The following RAB19 variants were observed in gnomAD, a reference collection of about 807,000 sequenced individuals.
RAB19 encodes ras-related protein Rab-19.
A neutral mutation model predicts 17.3 loss-of-function variants in RAB19; 21 were observed. That is an observed-to-expected ratio of 1.21 (90% CI 0.86 to 1.74). The LOEUF (loss-of-function observed/expected upper bound fraction) is 1.74, where lower values mean the gene tolerates loss of function less well. Ranked by LOEUF, RAB19 falls within the 40% of genes most tolerant of loss-of-function variation. RAB19 has a pLI of 0.00. For missense variants in RAB19, 277 were observed against 286.8 expected, an observed-to-expected ratio of 0.97 and a Z score of 0.25; for synonymous variants, 126 against 110.4, an observed-to-expected ratio of 1.14 and a Z score of -0.88.
chr7:140,421,066 T>C (rs1355422995), intron 3 of RAB19, among the ~76,000 whole-genome samples: 1 of 151,908 alleles, frequency 6.6e-6, no homozygotes, highest in Non-Finnish European at 1.5e-5. Flanking sequence ...CTAATTTTCG[T>C]ATTTTTAATA....
At chr7:140,414,380 C>T (rs1799418758) in intron 3 of RAB19, among the ~76,000 whole-genome samples, 2 of 152,138 alleles carry the variant, frequency 1.3e-5, no homozygotes, top group Admixed American at 1.3e-4. Flanking sequence ...CTGTCTCCAG[C>T]CCACAGGATC....
chr7:140,405,191 A>G (rs1799213553), intron 1 of RAB19, among the ~76,000 whole-genome samples: 1 of 146,828 alleles, frequency 6.8e-6, no homozygotes, highest in Non-Finnish European at 1.5e-5. Flanking sequence ...GAAGAGAGAC[A>G]GAGGTTTTTG....
At chr7:140,425,440 C>T (rs1230719241) in intron 3 of RAB19, among the ~76,000 whole-genome samples, 3 of 151,806 alleles carry the variant, frequency 2.0e-5, no homozygotes, top group East Asian at 2.0e-4. Flanking sequence ...AAAAGAGGAG[C>T]AAGGGCCGGG....
intron 3 of RAB19, 150 bp from the exon 4 acceptor site, chr7:140,425,732 A>G (rs543624397): frequency 1.1e-6 from 1 of 877,802 alleles, no homozygotes; most frequent in Non-Finnish European, 1.8e-6. Context: ...CTCAAAAAAA[A>G]AAAGAAACAA....
chr7:140,424,671 A>G (rs1227302894), intron 3 of RAB19, among the ~76,000 whole-genome samples: 1 of 100,880 alleles, frequency 9.9e-6, no homozygotes, highest in African/African-American at 4.7e-5. Context: ...GTGTATATAT[A>G]TATATATATA....
intron 3 of RAB19, among the ~76,000 whole-genome samples, chr7:140,415,124 G>A (rs764345201): frequency 3.3e-5 from 5 of 151,174 alleles, no homozygotes; most frequent in Non-Finnish European, 4.4e-5. Flanking sequence ...GCCCAGGCTG[G>A]AGTGCAGTAG....
At chr7:140,424,655 ATGTG>A (rs1159822662) in intron 3 of RAB19, among the ~76,000 whole-genome samples, 2 of 111,504 alleles carry the variant, frequency 1.8e-5, no homozygotes, top group Admixed American at 8.6e-5. Context: ...GTGTGTATAT[ATGTG>A]TGTGTATATA....
At chr7:140,418,082 T>A (rs763901335) in intron 3 of RAB19, among the ~76,000 whole-genome samples, 5 of 152,138 alleles carry the variant, frequency 3.3e-5, no homozygotes, top group Non-Finnish European at 7.4e-5. Flanking sequence ...GGATTTAAAC[T>A]TCTTTGGGGA....
chr7:140,420,491 C>T (rs1256362308), intron 3 of RAB19, among the ~76,000 whole-genome samples: 1 of 151,262 alleles, frequency 6.6e-6, no homozygotes, highest in Non-Finnish European at 1.5e-5. Flanking sequence ...GAGATGTAGA[C>T]CTGCCCCTGG....
At chr7:140,419,751 A>G (rs1183617335) in intron 3 of RAB19, among the ~76,000 whole-genome samples, 1 of 152,160 alleles carries the variant, frequency 6.6e-6, no homozygotes, top group Non-Finnish European at 1.5e-5. Flanking sequence ...TACTCCCATC[A>G]GCAGTGTGTG....
In RAB19 at chr7:140,415,313, G is replaced by T. The variant is rs376333800; in HGVS notation, c.385+3256G>T. Among the ~76,000 whole-genome samples, 4 of 152,116 alleles carry T rather than the reference G, an allele frequency of 2.6e-5. No homozygotes were observed. In the East Asian group the frequency reaches 7.7e-4, roughly 29 times the overall value. The stretch of plus-strand genomic sequence containing the variant: ...TGGTCTCAAACTCCTGACCTCAAGT[G>T]ATCCACACACCTCGCCTCCCAAAGT... On this transcript the variant is annotated intron_variant, in intron 3 of 3. Transcript: ENST00000537763.
chr7:140,414,775 C>T (rs914196524), intron 3 of RAB19, among the ~76,000 whole-genome samples: 1 of 152,142 alleles, frequency 6.6e-6, no homozygotes, highest in African/African-American at 2.4e-5. Context: ...AGAAGTTTAT[C>T]CCCAGCTCCT....
At position 140,412,026 on chromosome 7, in the gene RAB19, T is replaced by C. The variant is rs182029506; in HGVS notation, c.354T>C (p.Tyr118=). 14 of 1,613,290 alleles carry C rather than the reference T, an allele frequency of 8.7e-6. No individual in the cohort carries two copies. Among genetic ancestry groups the C allele is most frequent in the Admixed American group, 3.3e-5 (2 of 59,996 alleles). ...IPHWIHEIEK[Y]GAANVVIMLI... ...ACTGGATTCATGAGATAGAGAAATA[T>C]GGAGCTGCAAATGTGGTCATTATGC... The change falls in exon 3 of 4, where the codon TAT becomes TAC. Residue 118 remains tyrosine, a synonymous_variant. Transcript: ENST00000537763.
intron 3 of RAB19, among the ~76,000 whole-genome samples, chr7:140,425,344 T>A (rs1042930894): frequency 2.6e-5 from 4 of 151,748 alleles, no homozygotes; most frequent in Admixed American, 2.0e-4. Flanking sequence ...ATCCAGCAAA[T>A]CCTGATCACA....
rs369447131 is a variant in RAB19, at chr7:140,412,192, C to G, written c.385+135C>G. 37 of 930,178 alleles carry G rather than the reference C, an allele frequency of 4.0e-5. No individual in the cohort carries two copies. In the African/African-American group the frequency reaches 4.7e-4, roughly 12 times the overall value. The allele number at this position is 930,178 out of a possible 1,614,324, so 57.6% of individuals were successfully genotyped here. On this transcript the variant is annotated intron_variant, in intron 3 of 3. Transcript: ENST00000537763. ...TGCAGCCGGGCACAGTGGCTCACAC[C>G]TGTAATCCCAGCACTTTGGGAGGCT...
In RAB19 at chr7:140,404,217, G is replaced by C. The variant is rs961197484; in HGVS notation, c.-24G>C. On this transcript the variant is annotated splice_region_variant and 5_prime_UTR_variant, in exon 1 of 4. Transcript: ENST00000537763. ...CCAGCAGAGGTGAGAGAGCGAGACA[G>C]GTAAGCGACAGGTGAACCAGGAAGG... The C allele has an allele frequency of 6.6e-6, 1 of 152,364 alleles. No individual in the cohort carries two copies. Among genetic ancestry groups the C allele is most frequent in the African/African-American group, 2.4e-5 (1 of 41,452 alleles). 9.4% of individuals were successfully genotyped at this position (152,364 alleles called of 1,614,324 possible).
At chr7:140,412,161 A>G in intron 3 of RAB19, 104 bp downstream of exon 3, 2 of 1,238,272 alleles carry the variant, frequency 1.6e-6, no homozygotes, top group Non-Finnish European at 2.3e-6. Flanking sequence ...TTAAAAGTGT[A>G]AGTGATGCAG....
At chr7:140,424,159 ATTT>A (rs201170019) in intron 3 of RAB19, among the ~76,000 whole-genome samples, 4 of 118,776 alleles carry the variant, frequency 3.4e-5, no homozygotes, top group African/African-American at 3.3e-5. Context: ...CTGGCTGATA[ATTT>A]TTTTTTTTTT....
Position 140,409,304 on chromosome 7 carries a change from C to T in RAB19, c.201+1457C>T, listed in dbSNP as rs560247694. Among the ~76,000 whole-genome samples, 10 of 152,088 alleles carry T rather than the reference C, an allele frequency of 6.6e-5. No individual in the cohort carries two copies. The South Asian group carries it at 1.0e-3, about 16-fold the overall frequency. On this transcript the variant is annotated intron_variant, in intron 2 of 3. Coordinates refer to ENST00000537763, the MANE Select transcript of RAB19 (RefSeq NM_001008749.3). ...TCTCAAACCTGGGAGGCAGAGGTTA[C>T]AGTGAGCCGAGATCATATCACTGCA...
Sources: gnomAD v4.1 joint callset for allele counts (sites outside exome capture counted in the v4.1 genomes callset) on GRCh38, gnomAD v4.1.1 for gene constraint, MANE v1.5 for transcripts, NCBI Gene and HGNC (gene_info 2026-07-23, HGNC 2026-07-21) for gene names.